The following RNF214 variants were observed in gnomAD, a reference collection of about 807,000 sequenced individuals.
RNF214 encodes the protein ring finger protein 214.
In RNF214, 25 loss-of-function variants were observed where a neutral mutation model predicts 75.9. That is an observed-to-expected ratio of 0.33 (90% CI 0.24 to 0.46). The LOEUF (loss-of-function observed/expected upper bound fraction) is 0.46. Among genes scored for constraint, RNF214 ranks in the 20% least tolerant of loss-of-function variants. The pLI is 1.00. For missense variants in RNF214, 725 were observed against 857.5 expected, an observed-to-expected ratio of 0.85 and a Z score of 1.93; for synonymous variants, 314 against 308.8, an observed-to-expected ratio of 1.02 and a Z score of -0.18.
At chr11:117,265,245 G>A (rs189450756) in intron 6 of RNF214, among the ~76,000 whole-genome samples, 24 of 151,886 alleles carry the variant, frequency 1.6e-4, no homozygotes, top group East Asian at 1.5e-3. Flanking sequence ...TAATTTGGTC[G>A]TCTTCTTCCT....
rs759240752 is a variant in RNF214 at position 117,280,140 on chromosome 11, T to TA, written c.1057-28dup. On this transcript the variant is annotated intron_variant, in intron 7 of 14. Coordinates refer to ENST00000300650, the MANE Select transcript of RNF214 (RefSeq NM_207343.4). ...GGTACCTTTGTGTATGTAAAATTAATAAAGTATTTATATGTGTGTGGCTTC... is the reference window on the plus strand; with the variant it reads ...GGTACCTTTGTGTATGTAAAATTAATAAAAGTATTTATATGTGTGTGGCTTC... 15 of 1,569,026 alleles carry TA rather than the reference T, an allele frequency of 9.6e-6. No individual in the cohort carries two copies. In the East Asian group the frequency reaches 1.3e-4, roughly 14 times the overall value.
chr11:117,237,883 C>G (rs1370403934), intron 2 of RNF214, among the ~76,000 whole-genome samples: 1 of 152,044 alleles, frequency 6.6e-6, no homozygotes, highest in Admixed American at 6.5e-5. Flanking sequence ...GGTCAAAGAT[C>G]TGTATAATGA....
chr11:117,238,992 A>G lies in RNF214; in HGVS notation c.499A>G (p.Thr167Ala), dbSNP rs1470109203. The change falls in exon 3 of 15, where the codon ACA (threonine) becomes GCA (alanine). Residue 167 changes from threonine (T) to alanine (A), a missense_variant. Thr to Ala is a moderately conservative substitution (Grantham distance 58, BLOSUM62 0). Around this residue, in one of 2 missense-constraint regions of RNF214, gnomAD observed 362 missense variants for 344.5 expected, o/e 1.05. Coordinates refer to ENST00000300650, the MANE Select transcript of RNF214 (RefSeq NM_207343.4). ...TSILKEGNRD[T>A]SLDFRPVVSP... ...CATCCTAAAGGAAGGTAACAGGGACACAAGCTTGGATTTCCGACCTGTAGT... is the reference window on the plus strand; with the variant it reads ...CATCCTAAAGGAAGGTAACAGGGACGCAAGCTTGGATTTCCGACCTGTAGT... 1.9e-6 allele frequency: 3 copies of G among 1,614,194 alleles called. No homozygotes were observed. The highest frequency in any genetic ancestry group is 2.5e-6 in the Non-Finnish European group (3 of 1,180,020).
intron 4 of RNF214, among the ~76,000 whole-genome samples, chr11:117,243,527 T>C (rs1470618652): frequency 2.0e-5 from 3 of 152,234 alleles, no homozygotes; most frequent in Non-Finnish European, 4.4e-5. Context: ...AAAATGGTTA[T>C]TATTTAATGA....
chr11:117,250,610 T>TTTATTATTA (rs1555053707), intron 6 of RNF214, among the ~76,000 whole-genome samples: 1 of 133,584 alleles, frequency 7.5e-6, no homozygotes, highest in South Asian at 2.1e-4. Flanking sequence ...TATTTATTTA[T>TTTATTATTA]TTTTTTTTTA....
intron 6 of RNF214, among the ~76,000 whole-genome samples, chr11:117,272,001 C>T (rs566610566): frequency 2.0e-5 from 3 of 151,992 alleles, no homozygotes; most frequent in African/African-American, 4.8e-5. Context: ...TTCTTAGAGG[C>T]GAGGGTCTTG....
intron 4 of RNF214, among the ~76,000 whole-genome samples, chr11:117,243,426 G>T (rs946962901): frequency 6.6e-6 from 1 of 151,946 alleles, no homozygotes; most frequent in Non-Finnish European, 1.5e-5. Context: ...GATTACAGGC[G>T]TGAGCCACTG....
intron 6 of RNF214, among the ~76,000 whole-genome samples, chr11:117,275,679 C>G (rs1245126043): frequency 6.6e-6 from 1 of 152,158 alleles, no homozygotes; most frequent in Non-Finnish European, 1.5e-5. Context: ...ACCCCCCAAG[C>G]TTGAACCAGG....
At chr11:117,283,473 G>A (rs1040282292) in intron 14 of RNF214, among the ~76,000 whole-genome samples, 1 of 151,916 alleles carries the variant, frequency 6.6e-6, no homozygotes, top group South Asian at 2.1e-4. Context: ...TGATTCTCCT[G>A]CCTCAGCCTC....
intron 2 of RNF214, among the ~76,000 whole-genome samples, chr11:117,235,968 G>GT (rs996576748): frequency 2.6e-4 from 39 of 147,374 alleles, no homozygotes; most frequent in Middle Eastern, 3.6e-3. Flanking sequence ...CCTCAACTCT[G>GT]TTTTTTTTTT....
chr11:117,257,117 A>C (rs1452764900), intron 6 of RNF214, among the ~76,000 whole-genome samples: 1 of 152,182 alleles, frequency 6.6e-6, no homozygotes, highest in Admixed American at 6.5e-5. Flanking sequence ...TAGGAGGATT[A>C]CTTGAGCGCA....
At chr11:117,280,318 T>C in intron 8 of RNF214, 59 bp downstream of exon 8, 1 of 1,271,348 alleles carries the variant, frequency 7.9e-7, no homozygotes, top group Non-Finnish European at 1.1e-6. Context: ...TTTGTTTGTT[T>C]AGGTTTTTTC....
Position 117,238,610 on chromosome 11 carries a change from C to G in RNF214, c.117C>G (p.Asp39Glu), listed in dbSNP as rs757268979. The G allele has an allele frequency of 6.2e-7, 1 of 1,611,834 alleles. No homozygotes were observed. The highest frequency in any genetic ancestry group is 1.3e-5 in the African/African-American group (1 of 74,940). ...CTTGTGTGTTTGATAGCACCAAAGACTCTGCACAGAAGCAGAAGAACTCGC... is the reference window on the plus strand; with the variant it reads ...CTTGTGTGTTTGATAGCACCAAAGAGTCTGCACAGAAGCAGAAGAACTCGC... ...EGLPDGLSTK[D>E]SAQKQKNSPL... is the part of the protein sequence containing the mutation. Residue 39 changes from aspartate to glutamate, a missense_variant, in exon 3 of 15, where the codon GAC (aspartate) becomes GAG (glutamate). By Grantham distance (45) the Asp-to-Glu change is conservative (BLOSUM62 2). This residue lies in a region of RNF214 where 362 missense variants were observed against 344.5 expected (regional missense o/e 1.05). Coordinates refer to ENST00000300650, the MANE Select transcript of RNF214 (RefSeq NM_207343.4).
Position 117,285,842 on chromosome 11 carries a change from A to G in RNF214, c.*691A>G, listed in dbSNP as rs2034245339. The G allele has an allele frequency of 6.6e-6, 1 of 152,434 alleles. No individual in the cohort carries two copies. The highest frequency in any genetic ancestry group is 2.1e-4 in the South Asian group (1 of 4,830). 9.4% of individuals were successfully genotyped at this position (152,434 alleles called of 1,614,324 possible). On this transcript the variant is annotated 3_prime_UTR_variant, in exon 15 of 15. Coordinates refer to ENST00000300650, the MANE Select transcript of RNF214 (RefSeq NM_207343.4). The stretch of plus-strand genomic sequence containing the variant: ...AGGTCCCAATTCCTCCATGTACCCC[A>G]CAAGCTTCTGTCCACCCTATTTTCT...
intron 6 of RNF214, among the ~76,000 whole-genome samples, chr11:117,267,768 A>C (rs1392940820): frequency 1.3e-5 from 2 of 152,050 alleles, no homozygotes; most frequent in Non-Finnish European, 1.5e-5. Context: ...ATAAATATAC[A>C]TACATGTTCC....
chr11:117,234,508 G>C, intron 2 of RNF214, 129 bp downstream of exon 2: 2 of 605,666 alleles, frequency 3.3e-6, no homozygotes, highest in Non-Finnish European at 5.9e-6. Context: ...AGGACTGTCT[G>C]ATCTATCTTT....
rs746711264 is a variant in RNF214 at position 117,238,782 on chromosome 11, G to T, written c.289G>T (p.Ala97Ser). The change falls in exon 3 of 15, where the codon GCC (alanine) becomes TCC (serine). Residue 97 changes from alanine (A) to serine (S), a missense_variant. Physicochemically the swap from Ala to Ser is moderately conservative, Grantham distance 99. Around this residue, in one of 2 missense-constraint regions of RNF214, gnomAD observed 362 missense variants for 344.5 expected, o/e 1.05. Coordinates refer to ENST00000300650, the MANE Select transcript of RNF214 (RefSeq NM_207343.4). ...TTTAGGAGAAAACTTGATAGCCACAGCCCTTTGTCTTTCTGGCAGTGGGTC... is the reference window on the plus strand; with the variant it reads ...TTTAGGAGAAAACTTGATAGCCACATCCCTTTGTCTTTCTGGCAGTGGGTC... ...VVLGENLIAT[A>S]LCLSGSGSQS... The T allele has an allele frequency of 6.2e-7, 1 of 1,614,102 alleles. No individual in the cohort carries two copies. Among genetic ancestry groups the T allele is most frequent in the Non-Finnish European group, 8.5e-7 (1 of 1,180,050 alleles).
chr11:117,276,701 A>C (rs757328262), intron 6 of RNF214, among the ~76,000 whole-genome samples: 4 of 152,220 alleles, frequency 2.6e-5, no homozygotes, highest in Non-Finnish European at 5.9e-5. Context: ...AAAAAACCCA[A>C]AGGAAAAGAT....
intron 6 of RNF214, among the ~76,000 whole-genome samples, chr11:117,251,931 C>CGATCTT (rs1178861226): frequency 6.6e-6 from 1 of 152,264 alleles, no homozygotes; most frequent in Non-Finnish European, 1.5e-5. Context: ...TGCAGTGGCA[C>CGATCTT]GATCTTGGCT....
Sources: gnomAD v4.1 joint callset for allele counts (sites outside exome capture counted in the v4.1 genomes callset) on GRCh38, gnomAD v4.1.1 for gene constraint, gnomAD v4.1.1 regional missense constraint, MANE v1.5 for transcripts, NCBI Gene and HGNC (gene_info 2026-07-23, HGNC 2026-07-21) for gene names.